PARP14: variants seen among roughly 807,000 people sequenced by gnomAD.
PARP14 encodes poly(ADP-ribose) polymerase family member 14.
A neutral mutation model predicts 154.2 loss-of-function variants in PARP14; 59 were observed. The ratio of observed to expected loss-of-function variants is 0.38; its 90% CI spans 0.31 to 0.48. The LOEUF (loss-of-function observed/expected upper bound fraction) is 0.48. Among genes scored for constraint, PARP14 ranks in the 20% least tolerant of loss-of-function variants. PARP14 has a pLI of 0.98. For missense variants in PARP14, 1,734 were observed against 2,131.6 expected (o/e 0.81, Z 3.67); for synonymous variants, 720 against 780.5 (o/e 0.92, Z 1.29).
At chr3:122,710,552 TCCA>T (rs1939292220) in intron 9 of PARP14, among the ~76,000 whole-genome samples, 1 of 152,102 alleles carries the variant, frequency 6.6e-6, no homozygotes, top group African/African-American at 2.4e-5. Context: ...CTTTTTTGGT[TCCA>T]TGTGAATTTT....
Position 122,727,967 on chromosome 3 carries a change from C to T in PARP14, c.5097C>T (p.Arg1699=), listed in dbSNP as rs929044316. ...ACGTCAATCGAAATGGCTTTAACCG[C>T]AGCTATGCCGGAAAGAATGGTAAGG... ...VPHVNRNGFN[R]SYAGKNAVAY... is the part of the protein sequence containing the mutation. The change falls in exon 16 of 17, where the codon CGC becomes CGT. Residue 1699 remains arginine (R), a synonymous_variant. Transcript: ENST00000474629. 6.2e-7 allele frequency: 1 copy of T among 1,610,614 alleles called. No individual in the cohort carries two copies. Among genetic ancestry groups the T allele is most frequent in the East Asian group, 2.2e-5 (1 of 44,836 alleles).
intron 8 of PARP14, among the ~76,000 whole-genome samples, chr3:122,706,835 A>T (rs1416201716): frequency 6.6e-6 from 1 of 151,914 alleles, no homozygotes; most frequent in East Asian, 1.9e-4. Context: ...AAAAAAATGA[A>T]ATTCACAGGT....
In PARP14 at chr3:122,713,553, A is replaced by T. The variant is rs1939389638; in HGVS notation, c.3749A>T (p.Asn1250Ile). Reference protein sequence around the residue: ...EADVIVNSTSNSFNLKAGVSK... With the variant: ...EADVIVNSTSISFNLKAGVSK... ...GATGTGATTGTAAATTCAACATCAA[A>T]CTCATTCAATCTCAAAGCAGGTACT... Residue 1250 changes from asparagine to isoleucine, a missense_variant, in exon 10 of 17, where the codon AAC becomes ATC. By Grantham distance (149) the Asn-to-Ile change is moderately radical. Coordinates refer to ENST00000474629, the MANE Select transcript of PARP14 (RefSeq NM_017554.3). The T allele has an allele frequency of 6.2e-7, 1 of 1,613,596 alleles. No homozygotes were observed. The highest frequency in any genetic ancestry group is 8.5e-7 in the Non-Finnish European group (1 of 1,179,664).
At chr3:122,717,985 C>G in intron 12 of PARP14, 86 bp from the exon 13 acceptor site, 1 of 977,596 alleles carries the variant, frequency 1.0e-6, no homozygotes, top group Non-Finnish European at 1.6e-6. Flanking sequence ...CATTTATTCT[C>G]TGAGCATTGG....
At chr3:122,692,660 G>T in intron 4 of PARP14, 117 bp downstream of exon 4, 1 of 782,684 alleles carries the variant, frequency 1.3e-6, no homozygotes, top group Non-Finnish European at 1.9e-6. Context: ...TACTAAGAGA[G>T]GTTTCCAAGT....
chr3:122,720,611 A>G (rs1198151836), intron 15 of PARP14: 2 of 580,284 alleles, frequency 3.4e-6, no homozygotes, highest in Non-Finnish European at 6.2e-6. Context: ...ATATGATAGA[A>G]CACTAAAGAC....
At chr3:122,709,210 A>G (rs1406474006) in intron 9 of PARP14, among the ~76,000 whole-genome samples, 3 of 150,256 alleles carry the variant, frequency 2.0e-5, no homozygotes, top group Non-Finnish European at 4.4e-5. Flanking sequence ...CCCCCTCTCA[A>G]CCTTCCCCCT....
At chr3:122,697,209 C>T (rs1938807027) in intron 5 of PARP14, among the ~76,000 whole-genome samples, 1 of 152,188 alleles carries the variant, frequency 6.6e-6, no homozygotes, top group African/African-American at 2.4e-5. Context: ...CCTCCTTTGC[C>T]TCCTAAAGTG....
chr3:122,697,077 A>G (rs1011650045), intron 5 of PARP14, among the ~76,000 whole-genome samples: 3 of 152,074 alleles, frequency 2.0e-5, no homozygotes, highest in Admixed American at 6.6e-5. Flanking sequence ...CTCAGCCTCC[A>G]GAGTAGCTGG....
chr3:122,698,574 T>G (rs548601817), intron 5 of PARP14, among the ~76,000 whole-genome samples: 7 of 152,312 alleles, frequency 4.6e-5, no homozygotes, highest in African/African-American at 1.7e-4. Context: ...GGACAACCAC[T>G]GAATCTCAGC....
chr3:122,687,961 T>C (rs945772651), intron 3 of PARP14, among the ~76,000 whole-genome samples: 1 of 152,272 alleles, frequency 6.6e-6, no homozygotes, highest in Non-Finnish European at 1.5e-5. Context: ...GAGCTGCCTA[T>C]ATTTGGCAAA....
chr3:122,695,393 C>T, intron 4 of PARP14, 33 bp from the exon 5 acceptor site: 1 of 1,062,734 alleles, frequency 9.4e-7, no homozygotes, highest in Non-Finnish European at 1.4e-6. Context: ...TAAAAATTTA[C>T]TGATTTTCTT....
At position 122,713,566 on chromosome 3, in the gene PARP14, C is replaced by A. The variant is rs373951523; in HGVS notation, c.3762C>A (p.Leu1254=). The A allele has an allele frequency of 6.2e-7, 1 of 1,613,140 alleles. No individual in the cohort carries two copies. The highest frequency in any genetic ancestry group is 8.5e-7 in the Non-Finnish European group (1 of 1,179,350). ...IVNSTSNSFN[L]KAGVSKAILE... ...ATTCAACATCAAACTCATTCAATCT[C>A]AAAGCAGGTACTTGTACAATTTTGA... The change falls in exon 10 of 17, where the codon CTC becomes CTA. Residue 1254 remains leucine (L), a synonymous_variant. Transcript: ENST00000474629.
At chr3:122,716,355 A>C (rs923876110) in intron 12 of PARP14, among the ~76,000 whole-genome samples, 4 of 151,580 alleles carry the variant, frequency 2.6e-5, no homozygotes, top group African/African-American at 9.7e-5. Context: ...CCTCTTCGTC[A>C]CTCCGATCTT....
At chr3:122,724,302 CTTTT>C (rs35510761) in intron 15 of PARP14, among the ~76,000 whole-genome samples, 3 of 145,884 alleles carry the variant, frequency 2.1e-5, no homozygotes, top group Non-Finnish European at 1.5e-5. Context: ...TTTATGTTTT[CTTTT>C]TTTTTTTTTT....
At chr3:122,687,893 A>T (rs1455921362) in intron 3 of PARP14, among the ~76,000 whole-genome samples, 1 of 152,254 alleles carries the variant, frequency 6.6e-6, no homozygotes, top group African/African-American at 2.4e-5. Flanking sequence ...TATTGAAATT[A>T]TCTTGAGAAC....
At chr3:122,685,364 G>C (rs926423325) in intron 2 of PARP14, 46 bp downstream of exon 2, 1 of 1,563,854 alleles carries the variant, frequency 6.4e-7, no homozygotes, top group Admixed American at 1.7e-5. Flanking sequence ...GGTCTCCCAA[G>C]GTGTGTGAGA....
rs1459657995 is a variant in PARP14, at chr3:122,695,543, C to T, written c.716C>T (p.Ala239Val). The T allele has an allele frequency of 1.2e-6, 2 of 1,606,700 alleles. No individual in the cohort carries two copies. Among genetic ancestry groups the T allele is most frequent in the Admixed American group, 1.7e-5 (1 of 59,836 alleles). ...AGGGTTGAAAACCTGCCACCTGGTG[C>T]TGATGACTACAGTTTAAAACTTTTC... ...TIRVENLPPG[A>V]DDYSLKLFFE... is the part of the protein sequence containing the mutation. The change falls in exon 5 of 17, where the codon GCT becomes GTT. Residue 239 changes from alanine (A) to valine (V), a missense_variant. Physicochemically the swap from Ala to Val is moderately conservative, Grantham distance 64. This residue lies in a region of PARP14 where 1,646 missense variants were observed against 1,976.0 expected (regional missense o/e 0.83). Coordinates refer to ENST00000474629, the MANE Select transcript of PARP14 (RefSeq NM_017554.3).
At chr3:122,726,374 A>AATT in intron 15 of PARP14, among the ~76,000 whole-genome samples, 1 of 152,194 alleles carries the variant, frequency 6.6e-6, no homozygotes, top group Non-Finnish European at 1.5e-5. Flanking sequence ...TTTGGATGGC[A>AATT]ATTATTTTCT....
Sources: gnomAD v4.1 joint callset for allele counts (sites outside exome capture counted in the v4.1 genomes callset) on GRCh38, gnomAD v4.1.1 for gene constraint, gnomAD v4.1.1 regional missense constraint, MANE v1.5 for transcripts, NCBI Gene and HGNC (gene_info 2026-07-23, HGNC 2026-07-21) for gene names.